Variants in NGEF observed in about 807,000 individuals in gnomAD.
The protein encoded by NGEF is neuronal guanine nucleotide exchange factor.
A neutral mutation model predicts 80.9 loss-of-function variants in NGEF; 31 were observed. The ratio of observed to expected loss-of-function variants is 0.38; its 90% CI spans 0.29 to 0.52. The LOEUF (loss-of-function observed/expected upper bound fraction) is 0.52, where lower values mean the gene tolerates loss of function less well. NGEF is among the 20% of genes least tolerant of loss of function. NGEF has a pLI of 0.84. For synonymous variants in NGEF, 371 were observed against 370.2 expected, an observed-to-expected ratio of 1.00 and a Z score of -0.03; for missense variants, 709 against 926.2, an observed-to-expected ratio of 0.77 and a Z score of 3.04.
At chr2:232,949,413 A>ATTAGGAATATGAAATATATT (rs1693629519) in intron 3 of NGEF, among the ~76,000 whole-genome samples, 1 of 152,116 alleles carries the variant, frequency 6.6e-6, no homozygotes, top group South Asian at 2.1e-4. Context: ...ACTGCTTTTC[A>ATTAGGAATATGAAATATATT]CATATATTAT....
intron 9 of NGEF, chr2:232,885,673 C>T (rs148770590): frequency 1.7e-5 from 6 of 345,924 alleles, no homozygotes; most frequent in East Asian, 1.3e-4. Context: ...CTGGACGGAC[C>T]GGCAGGGCTC....
intron 1 of NGEF, among the ~76,000 whole-genome samples, chr2:232,994,067 A>G (rs1219240163): frequency 6.6e-6 from 1 of 152,190 alleles, no homozygotes. Flanking sequence ...ATGTAAATTT[A>G]TCCCAATAAA....
Position 232,994,135 on chromosome 2 carries a change from C to A in NGEF, c.-75+18933G>T, listed in dbSNP as rs932991076. Among the ~76,000 whole-genome samples the A allele has an allele frequency of 5.3e-5, 8 of 151,990 alleles. No homozygotes were observed. In the East Asian group the frequency reaches 1.5e-3, roughly 29 times the overall value. On this transcript the variant is annotated intron_variant, in intron 1 of 14. Transcript: ENST00000264051. ...CTGTAATCCCAGCACTTTGGGAGGC[C>A]GAATTGGGTGGATCACTTGAGGTAC...
intron 1 of NGEF, among the ~76,000 whole-genome samples, chr2:233,011,849 C>T (rs538011384): frequency 3.6e-4 from 55 of 152,268 alleles, no homozygotes; most frequent in African/African-American, 1.3e-3. Flanking sequence ...TTGGATCAAC[C>T]CCTGGCTTTC....
chr2:232,998,881 T>C (rs1400348), intron 1 of NGEF, among the ~76,000 whole-genome samples: 130,098 of 152,158 alleles, frequency 0.86, 55,712 homozygotes, highest in East Asian at 0.99. Context: ...TAGGGTGATG[T>C]TGCATATCTA....
intron 5 of NGEF, among the ~76,000 whole-genome samples, chr2:232,911,499 C>T (rs574179668): frequency 3.3e-5 from 5 of 152,186 alleles, no homozygotes; most frequent in African/African-American, 9.6e-5. Context: ...AGTTATCTTG[C>T]CTTTTCTGAT....
At chr2:232,944,534 A>C (rs4973578) in intron 3 of NGEF, among the ~76,000 whole-genome samples, 91,385 of 151,026 alleles carry the variant, frequency 0.61, 27,849 homozygotes, top group South Asian at 0.68. Flanking sequence ...GATTTCCCAA[A>C]TTCAGTGAGA....
chr2:232,965,655 C>G (rs1218968124), intron 3 of NGEF, among the ~76,000 whole-genome samples: 1 of 152,156 alleles, frequency 6.6e-6, no homozygotes, highest in African/African-American at 2.4e-5. Context: ...AGCAATAACT[C>G]AAAGCCCTCT....
intron 5 of NGEF, among the ~76,000 whole-genome samples, chr2:232,896,530 TG>T (rs1692067095): frequency 4.5e-5 from 1 of 22,082 alleles, no homozygotes; most frequent in Non-Finnish European, 9.3e-5. Context: ...AGGGTGAGGG[TG>T]GGGGTGAGGG....
At chr2:232,975,730 G>A (rs1694278705) in intron 1 of NGEF, among the ~76,000 whole-genome samples, 1 of 152,154 alleles carries the variant, frequency 6.6e-6, no homozygotes, top group African/African-American at 2.4e-5. Flanking sequence ...GTGGGTCTAA[G>A]CTGGTGGGAC....
At chr2:232,886,428 T>C (rs1326892534) in intron 9 of NGEF, among the ~76,000 whole-genome samples, 2 of 152,224 alleles carry the variant, frequency 1.3e-5, no homozygotes, top group Non-Finnish European at 2.9e-5. Context: ...GTGTGTGCAG[T>C]GTGTGCCCTG....
intron 3 of NGEF, among the ~76,000 whole-genome samples, chr2:232,962,221 A>G (rs1317575070): frequency 6.6e-6 from 1 of 152,320 alleles, no homozygotes; most frequent in East Asian, 1.9e-4. Context: ...AGAGAAACAA[A>G]TAGAAGTCGT....
intron 1 of NGEF, among the ~76,000 whole-genome samples, chr2:233,001,471 G>T (rs1439593388): frequency 6.6e-6 from 1 of 152,200 alleles, no homozygotes; most frequent in Non-Finnish European, 1.5e-5. Context: ...GTGAGCCCAG[G>T]AGTGGGCTGG....
intron 1 of NGEF, among the ~76,000 whole-genome samples, chr2:233,005,124 G>A (rs1310477636): frequency 1.3e-5 from 2 of 152,082 alleles, no homozygotes; most frequent in African/African-American, 4.8e-5. Flanking sequence ...TGGATTCTGC[G>A]GGCAACCATT....
intron 3 of NGEF, among the ~76,000 whole-genome samples, chr2:232,929,917 A>T (rs1235572797): frequency 6.6e-6 from 1 of 152,156 alleles, no homozygotes; most frequent in Non-Finnish European, 1.5e-5. Context: ...CTGGTAGTGA[A>T]TAAGTCTCAC....
intron 1 of NGEF, among the ~76,000 whole-genome samples, chr2:232,999,488 A>G (rs981497589): frequency 1.3e-5 from 2 of 152,104 alleles, no homozygotes; most frequent in African/African-American, 4.8e-5. Flanking sequence ...GCCAGGTGGG[A>G]GAGGAGAGGG....
intron 5 of NGEF, among the ~76,000 whole-genome samples, chr2:232,916,341 T>C (rs1692802734): frequency 6.6e-6 from 1 of 152,174 alleles, no homozygotes; most frequent in Admixed American, 6.5e-5. Flanking sequence ...AGTTAAGTAA[T>C]TTGCCTAAGG....
intron 1 of NGEF, among the ~76,000 whole-genome samples, chr2:233,003,857 T>A (rs567184165): frequency 1.3e-5 from 2 of 152,238 alleles, no homozygotes; most frequent in Middle Eastern, 3.4e-3. Context: ...TCAAATCACA[T>A]GTACCCGATA....
At chr2:232,941,310 C>A (rs1472864812) in intron 3 of NGEF, among the ~76,000 whole-genome samples, 3 of 65,046 alleles carry the variant, frequency 4.6e-5, no homozygotes, top group Non-Finnish European at 8.4e-5. Context: ...TAACTTCCAG[C>A]TGCACAACTC....
Sources: allele counts gnomAD v4.1 joint callset (sites outside exome capture counted in the v4.1 genomes callset), GRCh38; gene constraint gnomAD v4.1.1; transcripts MANE v1.5; gene names NCBI Gene and HGNC (gene_info 2026-07-23, HGNC 2026-07-21).